The following INPP4B variants were observed in gnomAD, a reference collection of about 807,000 sequenced individuals.
INPP4B encodes the protein inositol polyphosphate-4-phosphatase type II B.
INPP4B carries 55 observed loss-of-function variants against 122.5 expected under a neutral mutation model. The ratio of observed to expected loss-of-function variants is 0.45; its 90% CI spans 0.36 to 0.56. The LOEUF (loss-of-function observed/expected upper bound fraction) is 0.56, where lower values mean the gene tolerates loss of function less well. INPP4B is among the 20% of genes least tolerant of loss of function. INPP4B has a pLI of 0.00. For missense variants in INPP4B, 1,000 were observed against 1,097.7 expected (o/e 0.91, Z 1.26); for synonymous variants, 403 against 388.7 (o/e 1.04, Z -0.43).
intron 1 of INPP4B, among the ~76,000 whole-genome samples, chr4:142,845,617 A>C (rs532704506): frequency 5.4e-4 from 82 of 152,276 alleles, no homozygotes; most frequent in Middle Eastern, 6.8e-3. Context: ...AAGGTGGTCA[A>C]GGAGATGGGC....
chr4:142,074,554 A>C (rs1038179943), intron 25 of INPP4B, among the ~76,000 whole-genome samples: 2 of 152,130 alleles, frequency 1.3e-5, no homozygotes, highest in Non-Finnish European at 2.9e-5. Context: ...ATTGGTTTAT[A>C]TACATGGATA....
intron 25 of INPP4B, among the ~76,000 whole-genome samples, chr4:142,031,957 C>T (rs1161322385): frequency 6.6e-6 from 1 of 151,956 alleles, no homozygotes; most frequent in African/African-American, 2.4e-5. Context: ...AAAATAATAA[C>T]ATCTGATAAA....
At chr4:142,276,909 C>T (rs1243190531) in intron 9 of INPP4B, among the ~76,000 whole-genome samples, 1 of 151,736 alleles carries the variant, frequency 6.6e-6, no homozygotes, top group African/African-American at 2.4e-5. Flanking sequence ...AAATATAAAC[C>T]AGCTCTAGCT....
intron 10 of INPP4B, among the ~76,000 whole-genome samples, chr4:142,269,712 A>C (rs1203576827): frequency 6.6e-6 from 1 of 152,214 alleles, no homozygotes; most frequent in Non-Finnish European, 1.5e-5. Flanking sequence ...AGAAATTTTA[A>C]ATGTTTTTAC....
chr4:142,170,877 C>G (rs1298061481), intron 16 of INPP4B, among the ~76,000 whole-genome samples: 4 of 151,666 alleles, frequency 2.6e-5, no homozygotes, highest in Admixed American at 2.6e-4. Flanking sequence ...ATGTGTTTGT[C>G]TCTACCAACA....
At chr4:142,710,320 T>C (rs916259800) in intron 2 of INPP4B, among the ~76,000 whole-genome samples, 1 of 152,194 alleles carries the variant, frequency 6.6e-6, no homozygotes, top group African/African-American at 2.4e-5. Context: ...AAATTGTATA[T>C]GTAAGAGAGA....
chr4:142,797,241 C>G (rs987818525), intron 1 of INPP4B, among the ~76,000 whole-genome samples: 1 of 151,912 alleles, frequency 6.6e-6, no homozygotes, highest in African/African-American at 2.4e-5. Context: ...TAATGTCACA[C>G]AGTAAGTGAC....
intron 2 of INPP4B, among the ~76,000 whole-genome samples, chr4:142,463,201 A>T (rs1817067367): frequency 1.3e-5 from 2 of 152,232 alleles, no homozygotes; most frequent in African/African-American, 4.8e-5. Flanking sequence ...TGTATGCATG[A>T]GGCCTTAGGC....
Position 142,275,561 on chromosome 4 carries a change from C to A in INPP4B, c.504-4787G>T, listed in dbSNP as rs181681169. On this transcript the variant is annotated intron_variant, in intron 9 of 25. Coordinates refer to ENST00000262992, the MANE Select transcript of INPP4B (RefSeq NM_001101669.3). ...CAGATTCACTGAGTGAGTGACTGCA[C>A]CCTGATGATCTTTCTGGTGAATATA... is the stretch of plus-strand genomic sequence containing the variant. Among the ~76,000 whole-genome samples, 3 of 151,868 alleles carry A rather than the reference C, an allele frequency of 2.0e-5. No individual in the cohort carries two copies. In the East Asian group the frequency reaches 5.8e-4, roughly 29 times the overall value.
chr4:142,108,339 T>A lies in INPP4B; in HGVS notation c.2277-149A>T, dbSNP rs917063330. On this transcript the variant is annotated intron_variant, in intron 22 of 25. Transcript: ENST00000262992. Reference sequence around the variant, plus strand: ...TCAAGCTACAATTCACAATGGTGATTTCAAACATATTCCAATCTCCACTGG... The same window carrying A: ...TCAAGCTACAATTCACAATGGTGATATCAAACATATTCCAATCTCCACTGG... 3.8e-4 allele frequency: 247 copies of A among 646,758 alleles called. No homozygotes were observed. In the African/African-American group the frequency reaches 4.0e-3, roughly 10 times the overall value. 40.1% of individuals were successfully genotyped at this position (646,758 alleles called of 1,614,324 possible).
intron 17 of INPP4B, among the ~76,000 whole-genome samples, chr4:142,148,766 T>C (rs1203045719): frequency 6.6e-6 from 1 of 152,172 alleles, no homozygotes; most frequent in Admixed American, 6.5e-5. Context: ...CTGAGGAGCG[T>C]AGTGAAGCAT....
chr4:142,652,339 C>A (rs1468778858), intron 2 of INPP4B, among the ~76,000 whole-genome samples: 1 of 152,194 alleles, frequency 6.6e-6, no homozygotes, highest in Non-Finnish European at 1.5e-5. Context: ...CTCACCACTC[C>A]TATTCAACAT....
chr4:142,051,345 G>A (rs1014972740), intron 25 of INPP4B, among the ~76,000 whole-genome samples: 9 of 151,750 alleles, frequency 5.9e-5, no homozygotes, highest in Admixed American at 2.0e-4. Context: ...ACAGTATTCC[G>A]TAAGTATTGT....
At chr4:142,346,290 G>A (rs921812096) in intron 7 of INPP4B, among the ~76,000 whole-genome samples, 4 of 151,944 alleles carry the variant, frequency 2.6e-5, no homozygotes, top group Non-Finnish European at 5.9e-5. Flanking sequence ...AGATAAACTG[G>A]TCATTAGCTT....
chr4:142,629,240 C>T (rs1580553009), intron 2 of INPP4B, among the ~76,000 whole-genome samples: 1 of 152,134 alleles, frequency 6.6e-6, no homozygotes, highest in East Asian at 1.9e-4. Flanking sequence ...GATCATTGAG[C>T]TGAGCATGAA....
At chr4:142,118,499 AACC>A (rs927175187) in intron 21 of INPP4B, among the ~76,000 whole-genome samples, 1 of 152,162 alleles carries the variant, frequency 6.6e-6, no homozygotes, top group African/African-American at 2.4e-5. Flanking sequence ...ACACATCTAC[AACC>A]ACCTGATCTT....
At chr4:142,599,103 A>G (rs1348312627) in intron 2 of INPP4B, among the ~76,000 whole-genome samples, 1 of 152,144 alleles carries the variant, frequency 6.6e-6, no homozygotes, top group African/African-American at 2.4e-5. Flanking sequence ...ACCAGTAAGT[A>G]TGTCTTGGGA....
chr4:142,782,767 C>T (rs188136562), intron 1 of INPP4B, among the ~76,000 whole-genome samples: 168 of 152,284 alleles, frequency 1.1e-3, no homozygotes, highest in Non-Finnish European at 2.0e-3. Context: ...TCAAACTATA[C>T]TACAAGGCTA....
intron 7 of INPP4B, among the ~76,000 whole-genome samples, chr4:142,398,058 A>G (rs2064146608): frequency 6.6e-6 from 1 of 151,580 alleles, no homozygotes; most frequent in Admixed American, 6.6e-5. Flanking sequence ...ACTTTCCTCA[A>G]AGGAGTTTTA....
Sources: gnomAD v4.1 joint callset for allele counts (sites outside exome capture counted in the v4.1 genomes callset) on GRCh38, gnomAD v4.1.1 for gene constraint, MANE v1.5 for transcripts, NCBI Gene and HGNC (gene_info 2026-07-23, HGNC 2026-07-21) for gene names.